ALS2CL: variants seen among roughly 807,000 people sequenced by gnomAD.
ALS2CL encodes the protein ALS2 C-terminal like.
Under a neutral mutation model 127.9 loss-of-function variants are expected in ALS2CL, and 112 were observed. The ratio of observed to expected loss-of-function variants is 0.88; its 90% CI spans 0.75 to 1.02. ALS2CL has a LOEUF of 1.02. Ranked by LOEUF, ALS2CL falls within the 50% of genes least tolerant of loss-of-function variation. The probability of loss-of-function intolerance (pLI) is 0.00; values close to 1 mark genes in which losing one functional copy is unlikely to be tolerated. For synonymous variants in ALS2CL, 519 were observed against 527.6 expected, an observed-to-expected ratio of 0.98 and a Z score of 0.22; for missense variants, 1,174 against 1,236.7, an observed-to-expected ratio of 0.95 and a Z score of 0.76.
chr3:46,680,414 G>C lies in ALS2CL; in HGVS notation c.1548+16C>G, dbSNP rs1395924009. On this transcript the variant is annotated intron_variant, in intron 14 of 25. Transcript: ENST00000318962. ...GGGTGCAAAGAGAGGGATAGCCCAG[G>C]ATACACTCCACTCACCACCGTCTTG... The C allele has an allele frequency of 1.9e-6, 3 of 1,609,334 alleles. No homozygotes were observed. The highest frequency in any genetic ancestry group is 2.2e-5 in the South Asian group (2 of 91,016).
chr3:46,671,897 C>G lies in ALS2CL; in HGVS notation c.2671G>C (p.Val891Leu). The G allele has an allele frequency of 6.2e-7, 1 of 1,613,760 alleles. No homozygotes were observed. The highest frequency in any genetic ancestry group is 2.2e-5 in the East Asian group (1 of 44,872). ...DDLLPLLIYV[V>L]SRARIQHLGA... ...TGACTGCCTCACCGGGCGCGCGACA[C>G]CACGTAGATGAGAAGTGGCAGCAGG... Residue 891 changes from valine to leucine, a missense_variant, in exon 24 of 26, where the codon GTG becomes CTG. Physicochemically the swap from Val to Leu is conservative, Grantham distance 32. Transcript: ENST00000318962.
At position 46,683,224 on chromosome 3, in the gene ALS2CL, C is replaced by A. The variant is rs111670240; in HGVS notation, c.1015G>T (p.Asp339Tyr). ...GAGLEPSQPP[D>Y]CRCAEYTFQA... ...AAGGTATATTCTGCGCAGCGGCAGT[C>A]GGGAGGCTGGGAGGGCTCCAGGCCA... Residue 339 changes from aspartate to tyrosine, a missense_variant, in exon 10 of 26, where the codon GAC becomes TAC. Coordinates refer to ENST00000318962, the MANE Select transcript of ALS2CL (RefSeq NM_147129.5). 2 of 1,608,824 alleles carry A rather than the reference C, an allele frequency of 1.2e-6. No homozygotes were observed. The highest frequency in any genetic ancestry group is 1.7e-6 in the Non-Finnish European group (2 of 1,178,076).
At chr3:46,691,530 G>C (rs1397354304) in intron 1 of ALS2CL, among the ~76,000 whole-genome samples, 1 of 151,926 alleles carries the variant, frequency 6.6e-6, no homozygotes, top group Admixed American at 6.6e-5. Context: ...CAGGCTTCCT[G>C]TCCCTCGTCC....
In ALS2CL at chr3:46,677,017, A is replaced by G; in HGVS notation, c.1763T>C (p.Leu588Pro). The G allele has an allele frequency of 6.2e-7, 1 of 1,602,592 alleles. No individual in the cohort carries two copies. The highest frequency in any genetic ancestry group is 8.5e-7 in the Non-Finnish European group (1 of 1,174,422). Residue 588 changes from leucine (L) to proline (P), a missense_variant, in exon 17 of 26, where the codon CTG becomes CCG. Coordinates refer to ENST00000318962, the MANE Select transcript of ALS2CL (RefSeq NM_147129.5). ...PDPSSTCKRQ[L>P]GVGAFPVESR... Reference sequence around the variant, plus strand: ...TTCCACGGGGAAGGCACCCACGCCCAGCTGCCTGCGATGGGGATGGAGGGT... The same window carrying G: ...TTCCACGGGGAAGGCACCCACGCCCGGCTGCCTGCGATGGGGATGGAGGGT...
intron 1 of ALS2CL, among the ~76,000 whole-genome samples, chr3:46,689,866 G>A (rs755270349): frequency 3.9e-5 from 6 of 152,208 alleles, no homozygotes; most frequent in African/African-American, 7.2e-5. Context: ...GGATTCTGCA[G>A]TCTCTATAAA....
At position 46,686,384 on chromosome 3, in the gene ALS2CL, T is replaced by G; in HGVS notation, c.590A>C (p.Gln197Pro). 1 of 1,613,792 alleles carries G rather than the reference T, an allele frequency of 6.2e-7. No homozygotes were observed. The highest frequency in any genetic ancestry group is 8.5e-7 in the Non-Finnish European group (1 of 1,179,910). Residue 197 changes from glutamine to proline, a missense_variant, in exon 6 of 26, where the codon CAG (glutamine) becomes CCG (proline). Physicochemically the swap from Gln to Pro is moderately conservative, Grantham distance 76. Transcript: ENST00000318962. This position sits in a 1 kb window ranked among gnomAD's most constrained non-coding sequence, Gnocchi z 4.3. ...VNAVTLFGNLQSFMKQELDQA... is the reference protein window; with the variant it reads ...VNAVTLFGNLPSFMKQELDQA... ...GTCCAACTCCTGCTTCATGAAGGAC[T>G]GCAGGTTCCCAAAGAGGGTGACTGC...
rs572334636 is a variant in ALS2CL at position 46,679,453 on chromosome 3, C to T, written c.1549-166G>A. The T allele has an allele frequency of 3.5e-4, 189 of 544,824 alleles. 1 individual carries two copies. Among genetic ancestry groups the T allele is most frequent in the East Asian group, 3.1e-3 (90 of 29,388 alleles). 33.7% of individuals were successfully genotyped at this position (544,824 alleles called of 1,614,324 possible). On this transcript the variant is annotated intron_variant, in intron 14 of 25. Coordinates refer to ENST00000318962, the MANE Select transcript of ALS2CL (RefSeq NM_147129.5). The stretch of plus-strand genomic sequence containing the variant: ...GGACTGTACCTAATTGGGACTCTAG[C>T]CTTTGGCCTGCTAAGCACCAGCCCC...
Position 46,693,619 on chromosome 3 carries a change from GCGCGCCCTTCGT to G in ALS2CL, c.-26+12_-26+23del, listed in dbSNP as rs1311826922. The G allele has an allele frequency of 6.6e-6, 1 of 152,318 alleles. No homozygotes were observed. The highest frequency in any genetic ancestry group is 1.5e-5 in the Non-Finnish European group (1 of 68,090). 9.4% of individuals were successfully genotyped at this position (152,318 alleles called of 1,614,324 possible). A position where few individuals can be genotyped will look rare whatever the true frequency, so the allele number is the denominator to read the frequency against. On this transcript the variant is annotated intron_variant, in intron 1 of 25. Coordinates refer to ENST00000318962, the MANE Select transcript of ALS2CL (RefSeq NM_147129.5). ...GGAGCGCAGACACCCGTCCGCAGAC[GCGCGCCCTTCGT>G]CGCGCCCTTACCTGAGCGCTGTGGT...
Position 46,683,815 on chromosome 3 carries a change from CTCT to C in ALS2CL, c.876_878del (p.Glu293del). The C allele has an allele frequency of 6.2e-7, 1 of 1,614,182 alleles. No homozygotes were observed. The highest frequency in any genetic ancestry group is 8.5e-7 in the Non-Finnish European group (1 of 1,180,034). On this transcript the variant is annotated inframe_deletion, in exon 9 of 26. Transcript: ENST00000318962. The stretch of plus-strand genomic sequence containing the variant: ...GGGAGTCCTTGGCACAAAAGGAGAA[CTCT>C]TCTTCGGGCGTGAGGAGGTGAAACG...
At chr3:46,674,915 T>C in intron 20 of ALS2CL, 176 bp from the exon 21 acceptor site, 1 of 552,952 alleles carries the variant, frequency 1.8e-6, no homozygotes, top group Admixed American at 3.8e-5. Flanking sequence ...CCCAATTCAA[T>C]TCATAACTTC....
Position 46,676,343 on chromosome 3 carries a change from G to T in ALS2CL, c.2088C>A (p.Phe696Leu). 6.2e-7 allele frequency: 1 copy of T among 1,613,972 alleles called. No individual in the cohort carries two copies. The highest frequency in any genetic ancestry group is 1.3e-5 in the African/African-American group (1 of 75,034). ...CCCCGACACCTGCGTAGGTAGCCTGGAAGGTCAGCATCAGTGTCCGGAGCA... is the reference window on the plus strand; with the variant it reads ...CCCCGACACCTGCGTAGGTAGCCTGTAAGGTCAGCATCAGTGTCCGGAGCA... Reference protein sequence around the residue: ...GKLLRTLMLTFQATYAGVGAN... With the variant: ...GKLLRTLMLTLQATYAGVGAN... The change falls in exon 19 of 26, where the codon TTC becomes TTA. Residue 696 changes from phenylalanine (F) to leucine (L), a missense_variant. By Grantham distance (22) the Phe-to-Leu change is conservative. Coordinates refer to ENST00000318962, the MANE Select transcript of ALS2CL (RefSeq NM_147129.5).
At chr3:46,676,533 C>A (rs1698837332) in intron 18 of ALS2CL, 109 bp downstream of exon 18, 4 of 1,532,962 alleles carry the variant, frequency 2.6e-6, no homozygotes, top group Non-Finnish European at 3.6e-6. Flanking sequence ...GACAAGGGAT[C>A]CACAGGCCTG....
chr3:46,671,414 T>C, intron 25 of ALS2CL, 74 bp downstream of exon 25: 3 of 1,595,742 alleles, frequency 1.9e-6, no homozygotes, highest in Admixed American at 1.8e-5. Context: ...GGTGTTATGA[T>C]GTCTGGGAAG....
rs1292351684 is a variant in ALS2CL, at chr3:46,681,645, C to T, written c.1176-47G>A. 1 of 1,579,008 alleles carries T rather than the reference C, an allele frequency of 6.3e-7. No homozygotes were observed. Among genetic ancestry groups the T allele is most frequent in the East Asian group, 2.2e-5 (1 of 44,584 alleles). ...TGGGGATCAGCCCTGACCTGAGACG[C>T]CCATTACACCTACTCCATGCCACCC... On this transcript the variant is annotated intron_variant, in intron 11 of 25. Transcript: ENST00000318962. This position sits in a 1 kb window ranked among gnomAD's most constrained non-coding sequence, Gnocchi z 4.9.
chr3:46,673,400 G>A lies in ALS2CL; in HGVS notation c.2430-19C>T. 1.3e-6 allele frequency: 2 copies of A among 1,558,108 alleles called. No individual in the cohort carries two copies. Among genetic ancestry groups the A allele is most frequent in the Non-Finnish European group, 1.7e-6 (2 of 1,150,680 alleles). On this transcript the variant is annotated intron_variant, in intron 21 of 25. Transcript: ENST00000318962. ...CAAGTGCCTGAAATTGAAAAAGTGA[G>A]ACAGGAGGCTCTGCCTCGACAAGGG...
chr3:46,681,406 A>G lies in ALS2CL; in HGVS notation c.1276T>C (p.Tyr426His), dbSNP rs1699330654. 1 of 1,606,090 alleles carries G rather than the reference A, an allele frequency of 6.2e-7. No homozygotes were observed. Among genetic ancestry groups the G allele is most frequent in the South Asian group, 1.1e-5 (1 of 90,688 alleles). The change falls in exon 13 of 26, where the codon TAC becomes CAC. Residue 426 changes from tyrosine to histidine, a missense_variant and splice_region_variant. Physicochemically the swap from Tyr to His is moderately conservative, Grantham distance 83. Coordinates refer to ENST00000318962, the MANE Select transcript of ALS2CL (RefSeq NM_147129.5). This position sits in a 1 kb window ranked among gnomAD's most constrained non-coding sequence, Gnocchi z 4.9. ...CCCTTGTACACCTCGTCGGTGCTGT[A>G]CCTGGGGAGGGCCATCAACAACGAG... ...GSMCGYGICE[Y>H]STDEVYKGYF...
intron 14 of ALS2CL, 121 bp from the exon 15 acceptor site, chr3:46,679,408 G>A: frequency 1.2e-6 from 1 of 865,746 alleles, no homozygotes; most frequent in Non-Finnish European, 1.8e-6. Context: ...GAGGGGCCCT[G>A]AGCCTCATCA....
At chr3:46,676,437 G>A in intron 18 of ALS2CL, 35 bp from the exon 19 acceptor site, 1 of 1,611,890 alleles carries the variant, frequency 6.2e-7, no homozygotes. Flanking sequence ...GAGAGACTAA[G>A]CACTGGGGTC....
intron 16 of ALS2CL, 38 bp from the exon 17 acceptor site, chr3:46,677,060 G>A (rs1280634094): frequency 7.7e-6 from 12 of 1,564,830 alleles, no homozygotes; most frequent in Non-Finnish European, 1.0e-5. Flanking sequence ...GGGGCAGAGA[G>A]AGATGGAGCT....
Sources: allele counts gnomAD v4.1 joint callset (sites outside exome capture counted in the v4.1 genomes callset), GRCh38; gene constraint gnomAD v4.1.1; non-coding constraint Gnocchi (gnomAD v3.1); transcripts MANE v1.5; gene names NCBI Gene and HGNC (gene_info 2026-07-23, HGNC 2026-07-21).